DPYD: variants seen among roughly 807,000 people sequenced by gnomAD.
DPYD encodes dihydropyrimidine dehydrogenase [NADP(+)].
In DPYD, 109 loss-of-function variants were observed where a neutral mutation model predicts 116.2. That is an observed-to-expected ratio of 0.94 (90% CI 0.80 to 1.10). The LOEUF is 1.10. DPYD is among the 50% of genes least tolerant of loss of function. The pLI, the probability that DPYD is intolerant of heterozygous loss-of-function variation, is 0.00. For missense variants in DPYD, 1,302 were observed against 1,254.5 expected (o/e 1.04, Z -0.57); for synonymous variants, 440 against 432.0 (o/e 1.02, Z -0.23).
At chr1:97,520,318 T>C (rs191494251) in intron 12 of DPYD, among the ~76,000 whole-genome samples, 1 of 152,188 alleles carries the variant, frequency 6.6e-6, no homozygotes, top group Non-Finnish European at 1.5e-5. Context: ...GTATTTTACC[T>C]GCCTAAAATA....
chr1:97,314,991 C>A (rs1412477725), intron 16 of DPYD, among the ~76,000 whole-genome samples: 2 of 152,088 alleles, frequency 1.3e-5, no homozygotes, highest in South Asian at 4.1e-4. Context: ...GGAAGCAGGG[C>A]TCAGACCCTG....
At chr1:97,088,085 C>T (rs1239833988) in intron 21 of DPYD, among the ~76,000 whole-genome samples, 1 of 152,126 alleles carries the variant, frequency 6.6e-6, no homozygotes, top group Non-Finnish European at 1.5e-5. Flanking sequence ...AAATGCATAA[C>T]CTTTTTCTTA....
chr1:97,732,466 T>C (rs1266494893), intron 4 of DPYD, among the ~76,000 whole-genome samples: 2 of 134,854 alleles, frequency 1.5e-5, no homozygotes, highest in African/African-American at 5.7e-5. Flanking sequence ...AGAGCAAGAC[T>C]CCATCTCAAA....
At chr1:97,312,588 T>C (rs549943052) in intron 16 of DPYD, among the ~76,000 whole-genome samples, 29 of 151,958 alleles carry the variant, frequency 1.9e-4, no homozygotes, top group South Asian at 1.0e-3. Flanking sequence ...AATAAATCTT[T>C]GTAAACTGAC....
In DPYD at chr1:97,515,925, G is replaced by A. The variant is rs772264512; in HGVS notation, c.1541C>T (p.Ser514Phe). The A allele has an allele frequency of 6.2e-7, 1 of 1,612,494 alleles. No homozygotes were observed. The highest frequency in any genetic ancestry group is 1.7e-4 in the Middle Eastern group (1 of 6,058). Residue 514 changes from serine (S) to phenylalanine (F), a missense_variant, in exon 13 of 23, where the codon TCC (serine) becomes TTC (phenylalanine). Ser to Phe is a radical substitution (Grantham distance 155). Coordinates refer to ENST00000370192, the MANE Select transcript of DPYD (RefSeq NM_000110.4). ...HKYVQSQYGA[S>F]VSAKPELPLF... is the part of the protein sequence containing the mutation. The stretch of plus-strand genomic sequence containing the variant: ...GGGTAGTTCAGGCTTGGCAGAAACG[G>A]AAGCTCCATATTGTGACTGCAAAAT...
At chr1:97,179,757 T>C (rs6683351) in intron 20 of DPYD, among the ~76,000 whole-genome samples, 106,561 of 151,988 alleles carry the variant, frequency 0.7, 38,464 homozygotes, top group East Asian at 0.99. Context: ...TTTCGAGGGG[T>C]CACCTGTGAC....
At chr1:97,138,281 C>T (rs941765940) in intron 20 of DPYD, among the ~76,000 whole-genome samples, 5 of 152,056 alleles carry the variant, frequency 3.3e-5, no homozygotes, top group African/African-American at 1.2e-4. Context: ...TGATTGGAGG[C>T]CATTTCTTCT....
intron 20 of DPYD, among the ~76,000 whole-genome samples, chr1:97,107,081 T>G (rs148715940): frequency 6.6e-6 from 1 of 152,116 alleles, no homozygotes; most frequent in African/African-American, 2.4e-5. Context: ...AATATTGATC[T>G]TCACTCCCAC....
At chr1:97,204,640 A>G (rs1659467330) in intron 19 of DPYD, among the ~76,000 whole-genome samples, 1 of 152,160 alleles carries the variant, frequency 6.6e-6, no homozygotes, top group Non-Finnish European at 1.5e-5. Flanking sequence ...GACCAGCAGT[A>G]TAAACTGGGA....
Position 97,628,035 on chromosome 1 carries a change from A to T in DPYD, c.851-32869T>A, listed in dbSNP as rs909755005. 3.9e-5 allele frequency among the ~76,000 whole-genome samples: 6 copies of T among 152,004 alleles called. No individual in the cohort carries two copies. In the South Asian group the frequency reaches 1.2e-3, roughly 31 times the overall value. Reference sequence around the variant, plus strand: ...ATAATGATAGTAGGAATGAAAGGGCAGGTTCCTATTTCAGAGACATTGAGG... The same window carrying T: ...ATAATGATAGTAGGAATGAAAGGGCTGGTTCCTATTTCAGAGACATTGAGG... On this transcript the variant is annotated intron_variant, in intron 8 of 22. Transcript: ENST00000370192.
chr1:97,724,195 A>C (rs1045981821), intron 4 of DPYD, among the ~76,000 whole-genome samples: 7 of 151,636 alleles, frequency 4.6e-5, no homozygotes, highest in African/African-American at 1.5e-4. Flanking sequence ...TTTATGGTGA[A>C]AACTGAATGC....
intron 3 of DPYD, among the ~76,000 whole-genome samples, chr1:97,766,652 A>G (rs755085773): frequency 1.3e-5 from 2 of 152,170 alleles, no homozygotes; most frequent in Non-Finnish European, 2.9e-5. Context: ...GAAATCTTAA[A>G]GAGTGGTCCC....
intron 20 of DPYD, among the ~76,000 whole-genome samples, chr1:97,181,883 C>A (rs1194605130): frequency 1.3e-5 from 2 of 152,128 alleles, no homozygotes; most frequent in East Asian, 1.9e-4. Flanking sequence ...TAGAGGATTT[C>A]TCTTTTTTAT....
At chr1:97,787,978 A>C (rs558240520) in intron 3 of DPYD, among the ~76,000 whole-genome samples, 1 of 152,348 alleles carries the variant, frequency 6.6e-6, no homozygotes, top group South Asian at 2.1e-4. Flanking sequence ...TTGCCATTGC[A>C]ACACAATGTG....
intron 14 of DPYD, among the ~76,000 whole-genome samples, chr1:97,401,703 T>A (rs1319646577): frequency 4.6e-5 from 7 of 152,156 alleles, no homozygotes; most frequent in Non-Finnish European, 1.0e-4. Context: ...ACATGTGTCA[T>A]CAACATATTC....
At chr1:97,083,054 TTAAG>T (rs1430563782) in intron 21 of DPYD, among the ~76,000 whole-genome samples, 1 of 152,180 alleles carries the variant, frequency 6.6e-6, no homozygotes, top group East Asian at 1.9e-4. Flanking sequence ...GATCCAATAA[TTAAG>T]TCAGATGCTC....
chr1:97,819,017 G>A (rs1277795385), intron 3 of DPYD, among the ~76,000 whole-genome samples: 1 of 151,740 alleles, frequency 6.6e-6, no homozygotes, highest in Non-Finnish European at 1.5e-5. Flanking sequence ...ATTAGGGCAG[G>A]TGCATGATTA....
In DPYD at chr1:97,244,110, C is replaced by T. The variant is rs115406779; in HGVS notation, c.2300-9116G>A. ...ATGGCATTTACTAGGCATAATTAGT[C>T]TATATGTATGTTCTTTCTATTTTCA... On this transcript the variant is annotated intron_variant, in intron 18 of 22. Coordinates refer to ENST00000370192, the MANE Select transcript of DPYD (RefSeq NM_000110.4). 6.8e-3 allele frequency among the ~76,000 whole-genome samples: 1,030 copies of T among 151,968 alleles called. 14 individuals are homozygous for T. The highest frequency in any genetic ancestry group is 0.024 in the African/African-American group (983 of 41,494).
intron 20 of DPYD, among the ~76,000 whole-genome samples, chr1:97,142,380 C>A (rs989087767): frequency 2.0e-5 from 3 of 151,998 alleles, no homozygotes; most frequent in Non-Finnish European, 4.4e-5. Context: ...GAAAAAGAAA[C>A]TAGTTTCCTT....
Sources: allele counts gnomAD v4.1 joint callset (sites outside exome capture counted in the v4.1 genomes callset), GRCh38; gene constraint gnomAD v4.1.1; transcripts MANE v1.5; gene names NCBI Gene and HGNC (gene_info 2026-07-23, HGNC 2026-07-21).